The following RBM27 variants were observed in gnomAD, a reference collection of about 807,000 sequenced individuals.
RBM27 encodes RNA binding motif protein 27.
RBM27 carries 22 observed loss-of-function variants against 135.3 expected under a neutral mutation model. The ratio of observed to expected loss-of-function variants is 0.16; its 90% CI spans 0.12 to 0.23. RBM27 has a LOEUF of 0.23. Ranked by LOEUF, RBM27 falls within the 10% of genes least tolerant of loss-of-function variation. RBM27 has a pLI of 1.00. For missense variants in RBM27, 1,009 were observed against 1,281.0 expected, an observed-to-expected ratio of 0.79 and a Z score of 3.24; for synonymous variants, 481 against 442.4, an observed-to-expected ratio of 1.09 and a Z score of -1.10.
intron 10 of RBM27, among the ~76,000 whole-genome samples, chr5:146,256,782 AGAG>A (rs781329117): frequency 1.3e-5 from 2 of 152,214 alleles, no homozygotes; most frequent in African/African-American, 4.8e-5. Context: ...ACTAGAATTC[AGAG>A]GAGAAGTCAT....
In RBM27 at chr5:146,267,898, C is replaced by G. The variant is rs531160222; in HGVS notation, c.2451+130C>G. 1.3e-5 allele frequency: 12 copies of G among 943,772 alleles called. 1 individual carries two copies. The highest frequency in any genetic ancestry group is 3.7e-5 in the South Asian group (2 of 54,584). 58.5% of individuals were successfully genotyped at this position (943,772 alleles called of 1,614,324 possible). On this transcript the variant is annotated intron_variant, in intron 15 of 20. Transcript: ENST00000265271. ...TCATAATGCTTATTTAGCTTCTTCT[C>G]TAATGTAAACTTGGAAAAAAAAGGT...
intron 8 of RBM27, among the ~76,000 whole-genome samples, chr5:146,249,683 C>CAAAAAA (rs1209651197): frequency 6.9e-4 from 25 of 36,066 alleles, no homozygotes; most frequent in East Asian, 1.9e-3. Flanking sequence ...GTGAGACTCT[C>CAAAAAA]AAAAAAAAAA....
intron 19 of RBM27, among the ~76,000 whole-genome samples, chr5:146,273,049 C>T (rs1471499670): frequency 6.6e-6 from 1 of 152,104 alleles, no homozygotes; most frequent in Non-Finnish European, 1.5e-5. Context: ...TTGATTTTTG[C>T]CTTTTAAGGT....
At chr5:146,230,055 T>C in intron 5 of RBM27, 145 bp downstream of exon 5, 1 of 963,362 alleles carries the variant, frequency 1.0e-6, no homozygotes, top group Non-Finnish European at 1.5e-6. Flanking sequence ...TCAATATCCA[T>C]TTTGTTAGAA....
At chr5:146,211,306 T>C (rs1169509043) in intron 1 of RBM27, among the ~76,000 whole-genome samples, 1 of 151,848 alleles carries the variant, frequency 6.6e-6, no homozygotes, top group East Asian at 1.9e-4. Flanking sequence ...CTAAATTGCC[T>C]AGTCTAAGGT....
intron 2 of RBM27, among the ~76,000 whole-genome samples, chr5:146,219,872 T>A (rs1756371585): frequency 6.6e-6 from 1 of 152,116 alleles, no homozygotes; most frequent in African/African-American, 2.4e-5. Context: ...TATTTTTCTT[T>A]TTTATTTATT....
At chr5:146,229,655 A>T (rs375392201) in intron 4 of RBM27, 62 bp from the exon 5 acceptor site, 3 of 1,376,776 alleles carry the variant, frequency 2.2e-6, no homozygotes, top group South Asian at 2.6e-5. Flanking sequence ...TTTATACTAT[A>T]GATTTGTTTG....
At chr5:146,234,843 G>T (rs1451938070) in intron 7 of RBM27, among the ~76,000 whole-genome samples, 1 of 151,878 alleles carries the variant, frequency 6.6e-6, no homozygotes, top group Admixed American at 6.6e-5. Context: ...AGACCAGCCT[G>T]GGCAAGATGG....
At chr5:146,283,510 C>G (rs1426164393) in intron 19 of RBM27, among the ~76,000 whole-genome samples, 1 of 151,814 alleles carries the variant, frequency 6.6e-6, no homozygotes, top group Non-Finnish European at 1.5e-5. Context: ...CACATTCCAG[C>G]CTGGGAATCA....
intron 8 of RBM27, among the ~76,000 whole-genome samples, chr5:146,245,947 C>G (rs1278310143): frequency 6.6e-6 from 1 of 152,172 alleles, no homozygotes; most frequent in East Asian, 1.9e-4. Flanking sequence ...CTTTCTCCCC[C>G]TTGTATTTGA....
intron 8 of RBM27, among the ~76,000 whole-genome samples, chr5:146,247,349 C>G (rs1050796900): frequency 2.0e-5 from 3 of 152,106 alleles, no homozygotes; most frequent in African/African-American, 7.2e-5. Context: ...ATCACAGTCC[C>G]CCCCAAAATT....
rs756122800 is a variant in RBM27, at chr5:146,271,553, G to A, written c.2867G>A (p.Arg956Gln). 5 of 1,613,614 alleles carry A rather than the reference G, an allele frequency of 3.1e-6. No individual in the cohort carries two copies. The South Asian group carries it at 3.3e-5, about 11-fold the overall frequency. ...TCCTCTCAAGGTCGAGGAAGAGGCCGAGGGCGTGGAGGAAGAGGAAGGGGC... is the reference window on the plus strand; with the variant it reads ...TCCTCTCAAGGTCGAGGAAGAGGCCAAGGGCGTGGAGGAAGAGGAAGGGGC... ...TMSSQGRGRG[R>Q]GRGGRGRGSL... The change falls in exon 19 of 21, where the codon CGA (arginine) becomes CAA (glutamine). Residue 956 changes from arginine (R) to glutamine (Q), a missense_variant. Around this residue, in one of 6 missense-constraint regions of RBM27, gnomAD observed 355 missense variants for 427.3 expected, o/e 0.83. Coordinates refer to ENST00000265271, the MANE Select transcript of RBM27 (RefSeq NM_018989.2).
intron 7 of RBM27, among the ~76,000 whole-genome samples, chr5:146,234,069 T>C (rs1477209738): frequency 6.6e-6 from 1 of 152,136 alleles, no homozygotes; most frequent in African/African-American, 2.4e-5. Flanking sequence ...GGTCTCATTA[T>C]GTTGGCCAGG....
At chr5:146,244,568 G>A (rs981214917) in intron 8 of RBM27, among the ~76,000 whole-genome samples, 1 of 151,230 alleles carries the variant, frequency 6.6e-6, no homozygotes, top group Non-Finnish European at 1.5e-5. Flanking sequence ...TTGAGACAGA[G>A]TCTTGTTGTG....
chr5:146,261,385 T>C, intron 12 of RBM27, 125 bp from the exon 13 acceptor site: 1 of 793,452 alleles, frequency 1.3e-6, no homozygotes, highest in Non-Finnish European at 2.0e-6. Context: ...TCTAAAACAG[T>C]AATGTTGGAG....
intron 19 of RBM27, among the ~76,000 whole-genome samples, chr5:146,279,807 CAAAAAA>C (rs766177641): frequency 1.8e-5 from 1 of 55,242 alleles, no homozygotes; most frequent in Non-Finnish European, 3.7e-5. Context: ...GACTCTGTCT[CAAAAAA>C]AAAAAAAAAA....
intron 17 of RBM27, 64 bp from the exon 18 acceptor site, chr5:146,270,890 A>C: frequency 1.2e-5 from 12 of 991,554 alleles, no homozygotes; most frequent in Non-Finnish European, 1.8e-5. Context: ...TGTAACTATC[A>C]TGTTCTGGAG....
intron 19 of RBM27, among the ~76,000 whole-genome samples, chr5:146,279,952 C>A (rs1200376561): frequency 6.6e-6 from 1 of 151,976 alleles, no homozygotes. Context: ...TAAAGCTTCT[C>A]ACTTTAAAAA....
chr5:146,271,206 G>T, intron 18 of RBM27, 148 bp downstream of exon 18: 5 of 619,508 alleles, frequency 8.1e-6, no homozygotes, highest in East Asian at 3.0e-5. Context: ...TTTGAGACAA[G>T]CCTGACCAAC....
Sources: gnomAD v4.1 joint callset for allele counts (sites outside exome capture counted in the v4.1 genomes callset) on GRCh38, gnomAD v4.1.1 for gene constraint, gnomAD v4.1.1 regional missense constraint, MANE v1.5 for transcripts, NCBI Gene and HGNC (gene_info 2026-07-23, HGNC 2026-07-21) for gene names.